DLG2: variants seen among roughly 807,000 people sequenced by gnomAD.
DLG2 encodes the protein discs large MAGUK scaffold protein 2.
A neutral mutation model predicts 132.5 loss-of-function variants in DLG2; 45 were observed. The ratio of observed to expected loss-of-function variants is 0.34; its 90% CI spans 0.27 to 0.44. The LOEUF (loss-of-function observed/expected upper bound fraction) is 0.44. Ranked by LOEUF, DLG2 falls within the 20% of genes least tolerant of loss-of-function variation. The pLI, the probability that DLG2 is intolerant of heterozygous loss-of-function variation, is 1.00. For synonymous variants in DLG2, 424 were observed against 419.6 expected, an observed-to-expected ratio of 1.01 and a Z score of -0.13; for missense variants, 1,045 against 1,196.9, an observed-to-expected ratio of 0.87 and a Z score of 1.87.
chr11:83,700,902 T>C (rs969053697), intron 18 of DLG2, among the ~76,000 whole-genome samples: 2 of 152,238 alleles, frequency 1.3e-5, no homozygotes, highest in African/African-American at 4.8e-5. Flanking sequence ...ACAATTGCTC[T>C]AGTAGTGCCT....
At chr11:85,170,260 A>C (rs1005335870) in intron 4 of DLG2, among the ~76,000 whole-genome samples, 6 of 152,134 alleles carry the variant, frequency 3.9e-5, no homozygotes, top group Non-Finnish European at 8.8e-5. Context: ...GAACTTCAGT[A>C]AGGCCTGTTT....
At chr11:85,464,747 G>T (rs1241914194) in intron 3 of DLG2, among the ~76,000 whole-genome samples, 1 of 151,638 alleles carries the variant, frequency 6.6e-6, no homozygotes, top group African/African-American at 2.4e-5. Flanking sequence ...TTTTACAAAG[G>T]CAGTTTAGTT....
At chr11:85,395,174 A>G (rs574824157) in intron 3 of DLG2, among the ~76,000 whole-genome samples, 3 of 152,330 alleles carry the variant, frequency 2.0e-5, no homozygotes, top group Admixed American at 6.5e-5. Context: ...ACAGGTACAT[A>G]AACATATAAA....
chr11:84,775,875 C>T (rs1473649227), intron 6 of DLG2, among the ~76,000 whole-genome samples: 1 of 151,934 alleles, frequency 6.6e-6, no homozygotes, highest in South Asian at 2.1e-4. Flanking sequence ...CCCATGTACC[C>T]GCAGAATCTA....
chr11:85,561,267 G>C (rs1411463020), intron 3 of DLG2, among the ~76,000 whole-genome samples: 1 of 130,038 alleles, frequency 7.7e-6, no homozygotes, highest in Non-Finnish European at 1.6e-5. Flanking sequence ...AGGAGTTCAA[G>C]GTTGCAATGA....
At chr11:85,234,030 A>G (rs1275814853) in intron 4 of DLG2, among the ~76,000 whole-genome samples, 2 of 151,942 alleles carry the variant, frequency 1.3e-5, no homozygotes, top group East Asian at 3.9e-4. Context: ...TTGTGTTCCT[A>G]CTATGTGCCA....
intron 6 of DLG2, among the ~76,000 whole-genome samples, chr11:85,014,417 G>T (rs2059400232): frequency 6.6e-6 from 1 of 152,114 alleles, no homozygotes; most frequent in South Asian, 2.1e-4. Context: ...AGGATGACTT[G>T]CTTTCATCAG....
chr11:84,235,069 G>T (rs926440672), intron 8 of DLG2, among the ~76,000 whole-genome samples: 2 of 152,112 alleles, frequency 1.3e-5, no homozygotes, highest in Non-Finnish European at 2.9e-5. Flanking sequence ...CCTTAACCCA[G>T]GCACTCCCTT....
At chr11:84,418,791 C>T (rs1341026074) in intron 7 of DLG2, among the ~76,000 whole-genome samples, 1 of 152,126 alleles carries the variant, frequency 6.6e-6, no homozygotes, top group Non-Finnish European at 1.5e-5. Context: ...TGCTCTTATC[C>T]CGTTGCTTTC....
At chr11:84,400,189 T>C (rs2098824775) in intron 7 of DLG2, among the ~76,000 whole-genome samples, 1 of 152,238 alleles carries the variant, frequency 6.6e-6, no homozygotes, top group Non-Finnish European at 1.5e-5. Context: ...CCAATAATTT[T>C]AGGTTTGTCT....
intron 4 of DLG2, among the ~76,000 whole-genome samples, chr11:85,194,024 A>T (rs768915204): frequency 6.6e-6 from 1 of 152,248 alleles, no homozygotes; most frequent in African/African-American, 2.4e-5. Flanking sequence ...CCCCCAGGGC[A>T]GAATGCACTT....
At chr11:84,163,081 G>A (rs973729225) in intron 9 of DLG2, among the ~76,000 whole-genome samples, 4 of 151,954 alleles carry the variant, frequency 2.6e-5, no homozygotes, top group African/African-American at 9.7e-5. Context: ...AGAAACACAT[G>A]GTAACTATAA....
intron 6 of DLG2, among the ~76,000 whole-genome samples, chr11:84,580,859 G>A (rs1042686079): frequency 2.6e-5 from 4 of 152,098 alleles, no homozygotes; most frequent in African/African-American, 7.2e-5. Flanking sequence ...CCTGCTGCCT[G>A]GAAAATACAC....
intron 4 of DLG2, among the ~76,000 whole-genome samples, chr11:85,284,060 G>C (rs2078402993): frequency 6.6e-6 from 1 of 151,836 alleles, no homozygotes; most frequent in South Asian, 2.1e-4. Flanking sequence ...TTATGATATG[G>C]ATAAATGCTA....
intron 3 of DLG2, among the ~76,000 whole-genome samples, chr11:85,340,087 C>T (rs1359844584): frequency 6.6e-6 from 1 of 152,162 alleles, no homozygotes; most frequent in African/African-American, 2.4e-5. Flanking sequence ...GTGGCGATTC[C>T]TCAAGGATCT....
intron 6 of DLG2, among the ~76,000 whole-genome samples, chr11:85,108,662 T>G (rs1487258738): frequency 1.3e-5 from 2 of 152,036 alleles, no homozygotes; most frequent in African/African-American, 4.8e-5. Context: ...AGATTATAAA[T>G]TATCAAAATC....
chr11:84,558,660 T>C (rs1306095179), intron 6 of DLG2, among the ~76,000 whole-genome samples: 1 of 152,008 alleles, frequency 6.6e-6, no homozygotes, highest in South Asian at 2.1e-4. Flanking sequence ...TACCTACCGC[T>C]CCCCAGCTCC....
rs189231334 is a variant in DLG2 at position 83,467,264 on chromosome 11, G to C, written c.2620-447C>G. Among the ~76,000 whole-genome samples the C allele has an allele frequency of 1.0e-3, 152 of 152,272 alleles. 1 individual carries two copies. Among genetic ancestry groups the C allele is most frequent in the African/African-American group, 3.5e-3 (146 of 41,550 alleles). ...TAACTTGCCCAATAGTTTAGTGCTA[G>C]GAGCATGCAAACCCAAGTCTGGAGC... On this transcript the variant is annotated intron_variant, in intron 25 of 27. Transcript: ENST00000376104.
chr11:85,232,009 A>G (rs1434712234), intron 4 of DLG2, among the ~76,000 whole-genome samples: 1 of 151,686 alleles, frequency 6.6e-6, no homozygotes, highest in Non-Finnish European at 1.5e-5. Flanking sequence ...TTCCTTCTCC[A>G]CACAGTTCTC....
Sources: gnomAD v4.1 joint callset for allele counts (sites outside exome capture counted in the v4.1 genomes callset) on GRCh38, gnomAD v4.1.1 for gene constraint, MANE v1.5 for transcripts, NCBI Gene and HGNC (gene_info 2026-07-23, HGNC 2026-07-21) for gene names.